Variants in SYNPR observed in about 807,000 individuals in gnomAD.
SYNPR encodes synaptoporin.
A neutral mutation model predicts 32.9 loss-of-function variants in SYNPR; 23 were observed. The observed-to-expected ratio is 0.70, with a 90% CI of 0.50 to 0.99. The LOEUF (loss-of-function observed/expected upper bound fraction) is 0.99, where lower values mean the gene tolerates loss of function less well. SYNPR is among the 50% of genes least tolerant of loss of function. The probability of loss-of-function intolerance (pLI) is 0.00; values close to 1 mark genes in which losing one functional copy is unlikely to be tolerated. For missense variants in SYNPR, 318 were observed against 349.3 expected (o/e 0.91, Z 0.71); for synonymous variants, 146 against 135.9 (o/e 1.07, Z -0.52).
chr3:63,400,953 G>C (rs1011855396), intron 2 of SYNPR, among the ~76,000 whole-genome samples: 13 of 152,116 alleles, frequency 8.5e-5, no homozygotes, highest in Non-Finnish European at 1.6e-4. Flanking sequence ...CTCTGAGGGT[G>C]TCCAGAAGGA....
chr3:63,211,345 G>C, the SYNPR span, among the ~76,000 whole-genome samples: 9 of 152,168 alleles, frequency 5.9e-5, no homozygotes, highest in African/African-American at 2.2e-4. Flanking sequence ...GGGATTACAG[G>C]CATGAGCCAC....
In SYNPR at chr3:63,616,221, T is replaced by A. The variant is rs1302739267; in HGVS notation, c.*740T>A. On this transcript the variant is annotated 3_prime_UTR_variant, in exon 6 of 6. Transcript: ENST00000478300. The stretch of plus-strand genomic sequence containing the variant: ...TTTTCCCCCATTAGTAAACATTTAG[T>A]GCTACATATGATAACTGCCCAATAT... 6.6e-6 allele frequency: 1 copy of A among 152,244 alleles called. No individual in the cohort carries two copies. 9.4% of individuals were successfully genotyped at this position (152,244 alleles called of 1,614,324 possible).
intron 3 of SYNPR, among the ~76,000 whole-genome samples, chr3:63,271,259 G>A (rs976940421): frequency 3.9e-5 from 6 of 152,054 alleles, no homozygotes; most frequent in African/African-American, 9.7e-5. Context: ...GTATCCTCAC[G>A]TTAGCCCAGC....
chr3:63,410,498 G>A (rs182968822), intron 2 of SYNPR, among the ~76,000 whole-genome samples: 2 of 152,228 alleles, frequency 1.3e-5, no homozygotes, highest in Admixed American at 1.3e-4. Context: ...AATTGCCATA[G>A]GCTCATTACC....
chr3:63,598,045 T>C (rs899020485), intron 4 of SYNPR, among the ~76,000 whole-genome samples: 1 of 152,192 alleles, frequency 6.6e-6, no homozygotes, highest in Non-Finnish European at 1.5e-5. Flanking sequence ...CTCTGAACTG[T>C]CCAATTTCTA....
At chr3:63,295,399 T>C (rs2086784213) in intron 2 of SYNPR, among the ~76,000 whole-genome samples, 1 of 152,188 alleles carries the variant, frequency 6.6e-6, no homozygotes, top group South Asian at 2.1e-4. Context: ...TGGTTTATAA[T>C]AGCAGAGCTG....
chr3:63,297,262 C>T lies in SYNPR; in HGVS notation c.84+18520C>T, dbSNP rs115037698. On this transcript the variant is annotated intron_variant, in intron 2 of 5. Transcript: ENST00000478300. Reference sequence around the variant, plus strand: ...ATTGGTGGCAGTGAGTTTTTCAAGGCAACTTCTAGAAATTTATAAGACCCT... The same window carrying T: ...ATTGGTGGCAGTGAGTTTTTCAAGGTAACTTCTAGAAATTTATAAGACCCT... Among the ~76,000 whole-genome samples the T allele has an allele frequency of 8.3e-3, 1,263 of 152,252 alleles. 23 individuals carry two copies. Among genetic ancestry groups the T allele is most frequent in the African/African-American group, 0.027 (1,142 of 41,554 alleles).
At chr3:63,364,278 A>G (rs1038349360) in intron 2 of SYNPR, among the ~76,000 whole-genome samples, 2 of 152,204 alleles carry the variant, frequency 1.3e-5, no homozygotes, top group African/African-American at 2.4e-5. Flanking sequence ...GAGATTTTCA[A>G]TTTGCTCAGA....
intron 3 of SYNPR, among the ~76,000 whole-genome samples, chr3:63,270,968 T>TC (rs781044232): frequency 3.1e-4 from 5 of 16,052 alleles, no homozygotes; most frequent in African/African-American, 1.8e-3. Context: ...CTTCCTTCCT[T>TC]CTTTTCTTCC....
intron 2 of SYNPR, among the ~76,000 whole-genome samples, chr3:63,384,870 G>A (rs1232945725): frequency 6.6e-6 from 1 of 152,180 alleles, no homozygotes; most frequent in Admixed American, 6.5e-5. Context: ...TAGCCATGGT[G>A]TTGAGGCTGG....
At chr3:63,384,358 T>C (rs1473634898) in intron 2 of SYNPR, among the ~76,000 whole-genome samples, 7 of 152,352 alleles carry the variant, frequency 4.6e-5, no homozygotes, top group Non-Finnish European at 1.0e-4. Flanking sequence ...ATATCATTTT[T>C]TACCTCTACA....
intron 3 of SYNPR, among the ~76,000 whole-genome samples, chr3:63,548,301 T>C (rs1702445908): frequency 6.6e-6 from 1 of 152,112 alleles, no homozygotes; most frequent in Non-Finnish European, 1.5e-5. Context: ...TCCACTACTC[T>C]GTGCCAACAG....
intron 2 of SYNPR, among the ~76,000 whole-genome samples, chr3:63,406,246 G>A (rs1560220040): frequency 1.3e-5 from 2 of 151,244 alleles, no homozygotes; most frequent in Admixed American, 6.6e-5. Flanking sequence ...TAGTTTTCAG[G>A]ACCAACATCC....
At chr3:63,527,316 A>C (rs140691090) in intron 3 of SYNPR, among the ~76,000 whole-genome samples, 1 of 152,196 alleles carries the variant, frequency 6.6e-6, no homozygotes, top group East Asian at 1.9e-4. Flanking sequence ...GTCCTCATGG[A>C]GAGGAGATCC....
At chr3:63,281,303 T>G (rs1342815155) in intron 2 of SYNPR, among the ~76,000 whole-genome samples, 1 of 152,218 alleles carries the variant, frequency 6.6e-6, no homozygotes, top group African/African-American at 2.4e-5. Context: ...TGTGAAAGTT[T>G]TACAAAGCAA....
chr3:63,354,396 C>T (rs1316954484), intron 2 of SYNPR, among the ~76,000 whole-genome samples: 1 of 152,166 alleles, frequency 6.6e-6, no homozygotes. Context: ...GCTGTGTGGG[C>T]AAAGCCTTTA....
the SYNPR span, among the ~76,000 whole-genome samples, chr3:63,206,974 C>T: frequency 6.6e-6 from 1 of 152,146 alleles, no homozygotes; most frequent in Non-Finnish European, 1.5e-5. Flanking sequence ...TCTGCAGAAA[C>T]AGAACAGAAT....
intron 1 of SYNPR, among the ~76,000 whole-genome samples, chr3:63,241,134 A>C (rs1418036535): frequency 6.6e-6 from 1 of 152,164 alleles, no homozygotes; most frequent in Non-Finnish European, 1.5e-5. Flanking sequence ...AAACAATTGC[A>C]GTCTCCCACC....
chr3:63,247,106 T>C (rs2086298305), intron 1 of SYNPR, among the ~76,000 whole-genome samples: 1 of 152,110 alleles, frequency 6.6e-6, no homozygotes, highest in Admixed American at 6.6e-5. Flanking sequence ...ATACCTGACA[T>C]TGTGCTGAGT....
Sources: allele counts gnomAD v4.1 joint callset (sites outside exome capture counted in the v4.1 genomes callset), GRCh38; gene constraint gnomAD v4.1.1; transcripts MANE v1.5; gene names NCBI Gene and HGNC (gene_info 2026-07-23, HGNC 2026-07-21).